The following TARM1 variants were observed in gnomAD, a reference collection of about 807,000 sequenced individuals.
The protein encoded by TARM1 is T cell-interacting, activating receptor on myeloid cells 1, also known as T-cell-interacting, activating receptor on myeloid cells protein 1.
In TARM1, 24 loss-of-function variants were observed where a neutral mutation model predicts 30.4. The observed-to-expected ratio is 0.79, with a 90% CI of 0.57 to 1.11. The LOEUF (loss-of-function observed/expected upper bound fraction) is 1.11, where lower values mean the gene tolerates loss of function less well. TARM1 is among the 50% of genes least tolerant of loss of function. The probability of loss-of-function intolerance (pLI) is 0.00; values close to 1 mark genes in which losing one functional copy is unlikely to be tolerated. For missense variants in TARM1, 323 were observed against 332.8 expected, an observed-to-expected ratio of 0.97 and a Z score of 0.23; for synonymous variants, 129 against 138.9, an observed-to-expected ratio of 0.93 and a Z score of 0.50.
chr19:54,074,756 C>T, intron 3 of TARM1, 68 bp downstream of exon 3: 1 of 1,491,092 alleles, frequency 6.7e-7, no homozygotes, highest in South Asian at 1.3e-5. Flanking sequence ...CCTTTTCTCC[C>T]TCTGTTCCTC....
At chr19:54,081,208 G>A in intron 1 of TARM1, 99 bp downstream of exon 1, 2 of 1,243,502 alleles carry the variant, frequency 1.6e-6, no homozygotes, top group Non-Finnish European at 2.3e-6. Context: ...CGTGTGCTCA[G>A]TAAGCCAAAG....
chr19:54,080,047 A>AGGAAGGAG (rs1337743038), intron 1 of TARM1, among the ~76,000 whole-genome samples: 9,027 of 134,572 alleles, frequency 0.067, 636 homozygotes, highest in Middle Eastern at 0.1. Context: ...GAAGGAAGGA[A>AGGAAGGAG]GGGAAAGAGA....
intron 1 of TARM1, among the ~76,000 whole-genome samples, chr19:54,078,868 C>A (rs1007795712): frequency 6.6e-6 from 1 of 151,908 alleles, no homozygotes; most frequent in Non-Finnish European, 1.5e-5. Context: ...AGATGTAGCT[C>A]GAGGATATTA....
chr19:54,081,362 G>A lies in TARM1; in HGVS notation c.-22C>T, dbSNP rs1258834416. ...TCATGATGGCTCCTTAGCCCTCCCA[G>A]AGTCCGTCTTGGGTTCTGCAGTCCA... On this transcript the variant is annotated 5_prime_UTR_variant, in exon 1 of 5. Coordinates refer to ENST00000432826, the MANE Select transcript of TARM1 (RefSeq NM_001135686.3). The A allele has an allele frequency of 1.3e-6, 2 of 1,529,576 alleles. No homozygotes were observed. The highest frequency in any genetic ancestry group is 2.5e-5 in the South Asian group (2 of 80,558). 94.8% of individuals were successfully genotyped at this position (1,529,576 alleles called of 1,614,324 possible).
At chr19:54,070,708 G>A (rs1263523940) in intron 4 of TARM1, among the ~76,000 whole-genome samples, 3 of 151,244 alleles carry the variant, frequency 2.0e-5, no homozygotes, top group African/African-American at 4.9e-5. Flanking sequence ...TGCCTCCCGG[G>A]TTCAAGTGAT....
In TARM1 at chr19:54,075,033, G is replaced by A. The variant is rs1245534039; in HGVS notation, c.152C>T (p.Thr51Ile). The A allele has an allele frequency of 3.0e-5, 46 of 1,551,526 alleles. No individual in the cohort carries two copies. Among genetic ancestry groups the A allele is most frequent in the Non-Finnish European group, 3.7e-5 (42 of 1,146,970 alleles). The change falls in exon 3 of 5, where the codon ACT becomes ATT. Residue 51 changes from threonine (T) to isoleucine (I), a missense_variant. Thr to Ile is a moderately conservative substitution (Grantham distance 89, BLOSUM62 -1). Transcript: ENST00000432826. ...ANSNVTLRCW[T>I]PARGVSFVLR... ...AACAAAGCTCACACCTCTGGCAGGA[G>A]TCCAACATCGCAGCGTCACATTGCT... is the stretch of plus-strand genomic sequence containing the variant.
intron 1 of TARM1, among the ~76,000 whole-genome samples, chr19:54,080,176 C>A (rs76461807): frequency 0.2 from 14,774 of 72,378 alleles, 3,221 homozygotes; most frequent in Non-Finnish European, 0.26. Flanking sequence ...AGCAAGCAAG[C>A]AAGCAAGCAA....
chr19:54,079,861 C>T (rs1026240884), intron 1 of TARM1, among the ~76,000 whole-genome samples: 9 of 151,444 alleles, frequency 5.9e-5, no homozygotes, highest in Admixed American at 1.3e-4. Context: ...AAAAATCAGC[C>T]GGGTGTGTGG....
intron 2 of TARM1, among the ~76,000 whole-genome samples, chr19:54,075,442 T>C (rs2071925932): frequency 6.6e-6 from 1 of 150,422 alleles, no homozygotes; most frequent in Non-Finnish European, 1.5e-5. Flanking sequence ...CACCTTGGCC[T>C]CCCAAAGTGC....
chr19:54,071,241 A>C (rs1193325854), intron 4 of TARM1, among the ~76,000 whole-genome samples: 2 of 152,114 alleles, frequency 1.3e-5, no homozygotes, highest in Non-Finnish European at 2.9e-5. Context: ...TACAGGCCTG[A>C]GCCACCGCGC....
chr19:54,073,812 A>T, intron 4 of TARM1, 108 bp downstream of exon 4: 1 of 1,358,110 alleles, frequency 7.4e-7, no homozygotes, highest in Non-Finnish European at 1.0e-6. Flanking sequence ...AGATTTTGTT[A>T]AGAGCGATGA....
chr19:54,078,746 G>T (rs1436697836), intron 1 of TARM1, among the ~76,000 whole-genome samples: 1 of 151,428 alleles, frequency 6.6e-6, no homozygotes, highest in East Asian at 2.0e-4. Context: ...CAAGCGATCT[G>T]CCTGCCTCAG....
chr19:54,074,501 G>T (rs1381099930), intron 3 of TARM1, among the ~76,000 whole-genome samples: 2 of 152,134 alleles, frequency 1.3e-5, no homozygotes, highest in Non-Finnish European at 2.9e-5. Context: ...TGCCCAACAT[G>T]GCGAAACCCT....
chr19:54,074,359 G>C, intron 3 of TARM1, 143 bp from the exon 4 acceptor site: 1 of 801,046 alleles, frequency 1.2e-6, no homozygotes, highest in Non-Finnish European at 1.9e-6. Context: ...TTCCTACTCC[G>C]ACCCCAGGAC....
intron 1 of TARM1, among the ~76,000 whole-genome samples, chr19:54,076,845 T>G (rs1221342318): frequency 2.0e-5 from 3 of 151,898 alleles, no homozygotes; most frequent in Non-Finnish European, 4.4e-5. Flanking sequence ...ACCCGGCTAA[T>G]TTTTTAGTCT....
chr19:54,070,183 C>T, intron 4 of TARM1, 23 bp from the exon 5 acceptor site: 1 of 1,548,898 alleles, frequency 6.5e-7, no homozygotes, highest in Non-Finnish European at 8.7e-7. Flanking sequence ...AGGGGCTCAG[C>T]ACTGACCCTC....
rs587726914 is a variant in TARM1, at chr19:54,079,587, C to T, written c.34+1720G>A. ...AGGTGGCAGAGCCACCACAGTGGCT[C>T]ACGCCTGTAATCCCAGCACTTTGGG... On this transcript the variant is annotated intron_variant, in intron 1 of 4. Coordinates refer to ENST00000432826, the MANE Select transcript of TARM1 (RefSeq NM_001135686.3). 2.6e-5 allele frequency among the ~76,000 whole-genome samples: 4 copies of T among 152,316 alleles called. No individual in the cohort carries two copies. The East Asian group carries it at 7.7e-4, about 29-fold the overall frequency.
intron 4 of TARM1, among the ~76,000 whole-genome samples, chr19:54,071,237 C>G (rs57157739): frequency 6.6e-6 from 1 of 151,774 alleles, no homozygotes; most frequent in Non-Finnish European, 1.5e-5. Flanking sequence ...GGATTACAGG[C>G]CTGAGCCACC....
Position 54,081,348 on chromosome 19 carries a change from C to A in TARM1, c.-8G>T. 3.3e-6 allele frequency: 5 copies of A among 1,534,948 alleles called. No homozygotes were observed. The highest frequency in any genetic ancestry group is 4.4e-6 in the Non-Finnish European group (5 of 1,140,732). On this transcript the variant is annotated 5_prime_UTR_variant, in exon 1 of 5. Transcript: ENST00000432826. ...AAGCAGCTTAGGGATCATGATGGCTCCTTAGCCCTCCCAGAGTCCGTCTTG... is the reference window on the plus strand; with the variant it reads ...AAGCAGCTTAGGGATCATGATGGCTACTTAGCCCTCCCAGAGTCCGTCTTG...
Sources: gnomAD v4.1 joint callset for allele counts (sites outside exome capture counted in the v4.1 genomes callset) on GRCh38, gnomAD v4.1.1 for gene constraint, MANE v1.5 for transcripts, NCBI Gene and HGNC (gene_info 2026-07-23, HGNC 2026-07-21) for gene names.